CARNMT1: variants seen among roughly 807,000 people sequenced by gnomAD.
CARNMT1 encodes carnosine N-methyltransferase 1.
A neutral mutation model predicts 49.6 loss-of-function variants in CARNMT1; 28 were observed. The observed-to-expected ratio is 0.56, with a 90% confidence interval of 0.42 to 0.77. The LOEUF (loss-of-function observed/expected upper bound fraction) is 0.77. Ranked by LOEUF, CARNMT1 falls within the 30% of genes least tolerant of loss-of-function variation. The pLI is 0.00. For synonymous variants in CARNMT1, 178 were observed against 175.0 expected, an observed-to-expected ratio of 1.02 and a Z score of -0.13; for missense variants, 421 against 512.6, an observed-to-expected ratio of 0.82 and a Z score of 1.73.
rs1832740276 is a variant in CARNMT1 at position 74,983,512 on chromosome 9, C to T, written c.*255G>A. On this transcript the variant is annotated 3_prime_UTR_variant, in exon 8 of 8. Transcript: ENST00000376834. ...TTTCCTACTGAAACACAATTCTGGG[C>T]TTCAAGGAAAAAGTATACTTCAAGA... 3.5e-6 allele frequency: 1 copy of T among 283,784 alleles called. No individual in the cohort carries two copies. Among genetic ancestry groups the T allele is most frequent in the Non-Finnish European group, 6.5e-6 (1 of 153,078 alleles). The allele number at this position is 283,784 out of a possible 1,614,324, so 17.6% of individuals were successfully genotyped here. A position where few individuals can be genotyped will look rare whatever the true frequency, so the allele number is the denominator to read the frequency against.
chr9:75,009,370 A>G (rs1245120826), intron 3 of CARNMT1, among the ~76,000 whole-genome samples: 4 of 152,118 alleles, frequency 2.6e-5, no homozygotes, highest in Non-Finnish European at 4.4e-5. Context: ...CTCAGGGACT[A>G]CTGGTGTTTG....
At chr9:75,025,822 T>C (rs1217986640) in intron 1 of CARNMT1, among the ~76,000 whole-genome samples, 1 of 152,194 alleles carries the variant, frequency 6.6e-6, no homozygotes, top group African/African-American at 2.4e-5. Context: ...AAAGCTTTTA[T>C]TTGCACTGTC....
chr9:74,996,737 T>C (rs13284839), intron 5 of CARNMT1, among the ~76,000 whole-genome samples, 177 bp from the exon 6 acceptor site: 7,951 of 152,196 alleles, frequency 0.052, 395 homozygotes, highest in East Asian at 0.26. Context: ...TTATGGGAAA[T>C]ACTGATATCA....
At chr9:75,010,513 T>C (rs1257486970) in intron 3 of CARNMT1, among the ~76,000 whole-genome samples, 1 of 152,154 alleles carries the variant, frequency 6.6e-6, no homozygotes, top group African/African-American at 2.4e-5. Context: ...ATCCAAACTA[T>C]ACTATAAAGG....
chr9:75,011,274 T>C (rs1420791867), intron 3 of CARNMT1, among the ~76,000 whole-genome samples: 1 of 152,176 alleles, frequency 6.6e-6, no homozygotes, highest in African/African-American at 2.4e-5. Flanking sequence ...ACAGACCCTG[T>C]AGTGGTGCTC....
intron 3 of CARNMT1, among the ~76,000 whole-genome samples, chr9:75,005,832 AC>A (rs1833492173): frequency 2.5e-5 from 1 of 40,644 alleles, no homozygotes; most frequent in African/African-American, 1.6e-4. Flanking sequence ...ATTAAAACAC[AC>A]ACACACACAC....
At chr9:75,007,239 CAAT>C (rs1157812637) in intron 3 of CARNMT1, among the ~76,000 whole-genome samples, 1 of 152,108 alleles carries the variant, frequency 6.6e-6, no homozygotes, top group Non-Finnish European at 1.5e-5. Flanking sequence ...TTGGAAACAA[CAAT>C]GTTTATTTAA....
rs912762502 is a variant in CARNMT1 at position 75,000,247 on chromosome 9, A to G, written c.591-377T>C. 4.6e-5 allele frequency among the ~76,000 whole-genome samples: 7 copies of G among 152,294 alleles called. No individual in the cohort carries two copies. In the East Asian group the frequency reaches 1.4e-3, roughly 29 times the overall value. Reference sequence around the variant, plus strand: ...AGTTTGAACAAAAGTACTTCATCATATGGGACAATAAATACAACATAACTT... The same window carrying G: ...AGTTTGAACAAAAGTACTTCATCATGTGGGACAATAAATACAACATAACTT... On this transcript the variant is annotated intron_variant, in intron 3 of 7. Transcript: ENST00000376834.
chr9:75,002,625 C>A (rs1234278646), intron 3 of CARNMT1, among the ~76,000 whole-genome samples: 1 of 152,226 alleles, frequency 6.6e-6, no homozygotes, highest in Non-Finnish European at 1.5e-5. Context: ...CCTGAGCACA[C>A]TGCCTGTGGC....
chr9:75,005,639 A>T, intron 3 of CARNMT1, among the ~76,000 whole-genome samples: 1 of 151,480 alleles, frequency 6.6e-6, no homozygotes, highest in Non-Finnish European at 1.5e-5. Flanking sequence ...CGCCCGGCTA[A>T]TTTTTTTGTA....
chr9:75,014,390 C>A (rs1833785357), intron 3 of CARNMT1, among the ~76,000 whole-genome samples: 1 of 152,140 alleles, frequency 6.6e-6, no homozygotes, highest in Admixed American at 6.5e-5. Context: ...CCAAGGATAA[C>A]CCTATAGAGT....
intron 3 of CARNMT1, among the ~76,000 whole-genome samples, chr9:75,008,162 A>G (rs1362862922): frequency 3.6e-5 from 4 of 109,920 alleles, no homozygotes; most frequent in Non-Finnish European, 5.4e-5. Flanking sequence ...AAAACAGCTG[A>G]TGAGCTAAAA....
intron 6 of CARNMT1, among the ~76,000 whole-genome samples, chr9:74,994,590 G>A (rs900920486): frequency 6.6e-6 from 1 of 152,154 alleles, no homozygotes; most frequent in African/African-American, 2.4e-5. Flanking sequence ...GGAATCCAAA[G>A]AGTAGGAAAA....
chr9:75,024,541 G>A (rs2118879908), intron 1 of CARNMT1, among the ~76,000 whole-genome samples: 1 of 152,132 alleles, frequency 6.6e-6, no homozygotes, highest in East Asian at 1.9e-4. Flanking sequence ...AACAAGACTG[G>A]GTTATAAAAC....
At chr9:74,984,800 A>T in intron 7 of CARNMT1, 107 bp downstream of exon 7, 1 of 704,270 alleles carries the variant, frequency 1.4e-6, no homozygotes, top group Non-Finnish European at 2.5e-6. Flanking sequence ...TTCCCTTTAT[A>T]GATAAGAAAA....
In CARNMT1 at chr9:75,017,419, G is replaced by C; in HGVS notation, c.260C>G (p.Thr87Arg). The C allele has an allele frequency of 6.2e-7, 1 of 1,614,082 alleles. No homozygotes were observed. The highest frequency in any genetic ancestry group is 8.5e-7 in the Non-Finnish European group (1 of 1,179,992). ...GTSMHERVNRTERQFRSLPAN... is the reference protein window; with the variant it reads ...GTSMHERVNRRERQFRSLPAN... Reference sequence around the variant, plus strand: ...TGGAAGTGATCGAAACTGTCTTTCTGTTCGGTTCACCCGCTCATGCATACT... The same window carrying C: ...TGGAAGTGATCGAAACTGTCTTTCTCTTCGGTTCACCCGCTCATGCATACT... The change falls in exon 2 of 8, where the codon ACA becomes AGA. Residue 87 changes from threonine (T) to arginine (R), a missense_variant. Physicochemically the swap from Thr to Arg is moderately conservative, Grantham distance 71. Transcript: ENST00000376834.
At chr9:75,022,647 C>A (rs1266425011) in intron 1 of CARNMT1, among the ~76,000 whole-genome samples, 1 of 152,124 alleles carries the variant, frequency 6.6e-6, no homozygotes, top group East Asian at 1.9e-4. Context: ...GTTAGGCAAA[C>A]AGCAGAGCTT....
Position 74,983,750 on chromosome 9 carries a change from G to A in CARNMT1, c.*17C>T. On this transcript the variant is annotated 3_prime_UTR_variant, in exon 8 of 8. Transcript: ENST00000376834. ...GTTCTTACTAAACTTTTTTCCAGGT[G>A]GTATCACTTGAGACCATTATTGTGG... 1.4e-6 allele frequency: 2 copies of A among 1,462,846 alleles called. No homozygotes were observed. The highest frequency in any genetic ancestry group is 1.4e-5 in the African/African-American group (1 of 70,618). 90.6% of individuals were successfully genotyped at this position (1,462,846 alleles called of 1,614,324 possible). A position where few individuals can be genotyped will look rare whatever the true frequency, so the allele number is the denominator to read the frequency against.
At chr9:75,014,317 C>A (rs1470548425) in intron 3 of CARNMT1, among the ~76,000 whole-genome samples, 1 of 151,872 alleles carries the variant, frequency 6.6e-6, no homozygotes, top group African/African-American at 2.4e-5. Context: ...GACAACTGGG[C>A]GAATAAGTAA....
Sources: allele counts gnomAD v4.1 joint callset (sites outside exome capture counted in the v4.1 genomes callset), GRCh38; gene constraint gnomAD v4.1.1; transcripts MANE v1.5; gene names NCBI Gene and HGNC (gene_info 2026-07-23, HGNC 2026-07-21).